Variants in CSGALNACT1 observed in about 807,000 individuals in gnomAD.
The protein encoded by CSGALNACT1 is beta4GalNAcT-1.
CSGALNACT1 carries 52 observed loss-of-function variants against 51.0 expected under a neutral mutation model. The ratio of observed to expected loss-of-function variants is 1.02; its 90% CI spans 0.82 to 1.29. The LOEUF (loss-of-function observed/expected upper bound fraction) is 1.29, where lower values mean the gene tolerates loss of function less well. Among genes scored for constraint, CSGALNACT1 ranks in the 50% most tolerant of loss-of-function variants. The pLI, the probability that CSGALNACT1 is intolerant of heterozygous loss-of-function variation, is 0.00. For synonymous variants in CSGALNACT1, 341 were observed against 254.4 expected (o/e 1.34, Z -3.24); for missense variants, 935 against 679.2 (o/e 1.38, Z -4.19).
intron 4 of CSGALNACT1, among the ~76,000 whole-genome samples, chr8:19,476,337 C>G (rs2069632403): frequency 6.6e-6 from 1 of 152,160 alleles, no homozygotes; most frequent in South Asian, 2.1e-4. Context: ...CTTCCGAGTT[C>G]AAGCGATTCT....
chr8:19,428,640 C>G (rs1274761058), intron 6 of CSGALNACT1, among the ~76,000 whole-genome samples: 1 of 152,040 alleles, frequency 6.6e-6, no homozygotes, highest in Non-Finnish European at 1.5e-5. Context: ...TAAGGACTGG[C>G]GAATAGTGGA....
chr8:19,674,352 GA>G (rs1055687798), intron 1 of CSGALNACT1, among the ~76,000 whole-genome samples: 1 of 152,118 alleles, frequency 6.6e-6, no homozygotes, highest in African/African-American at 2.4e-5. Flanking sequence ...AATAAGAGGG[GA>G]TCAAGAGGAA....
chr8:19,467,392 A>T (rs1300389306), intron 4 of CSGALNACT1, among the ~76,000 whole-genome samples: 1 of 152,008 alleles, frequency 6.6e-6, no homozygotes, highest in African/African-American at 2.4e-5. Context: ...AAGTGCTGGG[A>T]TTACAGGCGT....
chr8:19,445,554 T>A (rs576784518), intron 5 of CSGALNACT1, among the ~76,000 whole-genome samples: 1 of 152,212 alleles, frequency 6.6e-6, no homozygotes, highest in African/African-American at 2.4e-5. Context: ...TCGTGTACTC[T>A]TCTCTTTCAT....
chr8:19,617,333 G>A (rs2053171803), intron 1 of CSGALNACT1, among the ~76,000 whole-genome samples: 1 of 152,162 alleles, frequency 6.6e-6, no homozygotes, highest in Admixed American at 6.5e-5. Context: ...GGCCATGGAT[G>A]AGTACGAGTC....
chr8:19,432,584 G>C (rs751625832), intron 6 of CSGALNACT1, among the ~76,000 whole-genome samples: 7 of 152,018 alleles, frequency 4.6e-5, no homozygotes, highest in Non-Finnish European at 1.5e-5. Flanking sequence ...GGTATCCCAT[G>C]AATCTCAGGT....
chr8:19,662,666 G>A (rs1367943222), intron 1 of CSGALNACT1, among the ~76,000 whole-genome samples: 1 of 152,190 alleles, frequency 6.6e-6, no homozygotes, highest in Non-Finnish European at 1.5e-5. Context: ...TGCCTGCTAA[G>A]TGGATGCTAG....
intron 1 of CSGALNACT1, among the ~76,000 whole-genome samples, chr8:19,658,953 C>T (rs1344721864): frequency 2.0e-5 from 3 of 152,118 alleles, no homozygotes; most frequent in African/African-American, 7.2e-5. Context: ...TACCTGGTAG[C>T]TAGTTACACC....
At chr8:19,594,794 C>T (rs147454358) in intron 2 of CSGALNACT1, among the ~76,000 whole-genome samples, 6 of 152,100 alleles carry the variant, frequency 3.9e-5, no homozygotes, top group African/African-American at 1.4e-4. Flanking sequence ...TCAGGTGATC[C>T]ACCCACCTTG....
At position 19,582,353 on chromosome 8, in the gene CSGALNACT1, C is replaced by A. The variant is rs372164388; in HGVS notation, c.-297+8807G>T. On this transcript the variant is annotated intron_variant, in intron 3 of 9. Coordinates refer to ENST00000454498, the Ensembl canonical transcript of CSGALNACT1. ...GACTACTTAGATAATATAAAACTTA[C>A]AATGTACATTAGCAAAACTGTATGG... Among the ~76,000 whole-genome samples the A allele has an allele frequency of 1.8e-4, 28 of 152,316 alleles. No homozygotes were observed. The East Asian group carries it at 1.9e-3, about 10-fold the overall frequency.
intron 5 of CSGALNACT1, among the ~76,000 whole-genome samples, chr8:19,455,707 G>A (rs1031849958): frequency 2.0e-5 from 3 of 152,168 alleles, no homozygotes; most frequent in African/African-American, 7.2e-5. Context: ...CCTTGACTGT[G>A]ACATAAACTC....
intron 8 of CSGALNACT1, among the ~76,000 whole-genome samples, chr8:19,409,518 GAGAAAC>G (rs1318277951): frequency 6.6e-6 from 1 of 151,266 alleles, no homozygotes; most frequent in Non-Finnish European, 1.5e-5. Flanking sequence ...GAGAGAGAGA[GAGAAAC>G]ACACACACAA....
At chr8:19,507,054 A>T (rs2077471890) in intron 3 of CSGALNACT1, among the ~76,000 whole-genome samples, 1 of 152,164 alleles carries the variant, frequency 6.6e-6, no homozygotes, top group Non-Finnish European at 1.5e-5. Context: ...TCTGATCAGG[A>T]ACTGGGGAAG....
At chr8:19,655,525 A>G (rs190894854) in intron 1 of CSGALNACT1, among the ~76,000 whole-genome samples, 2 of 90,602 alleles carry the variant, frequency 2.2e-5, no homozygotes, top group African/African-American at 8.5e-5. Flanking sequence ...ATTCCCCACT[A>G]ATTTTTACAT....
At chr8:19,439,687 C>T (rs373250196) in intron 6 of CSGALNACT1, 143 bp downstream of exon 5, 4 of 718,782 alleles carry the variant, frequency 5.6e-6, no homozygotes, top group African/African-American at 5.2e-5. Flanking sequence ...GCAGACTTTT[C>T]CCTGAACACA....
chr8:19,648,354 G>A (rs1044589083), intron 1 of CSGALNACT1, among the ~76,000 whole-genome samples: 2 of 152,134 alleles, frequency 1.3e-5, no homozygotes, highest in African/African-American at 4.8e-5. Context: ...ATTCTCTGCT[G>A]GAAGGAGTGT....
At chr8:19,416,940 A>G (rs887360249) in intron 8 of CSGALNACT1, among the ~76,000 whole-genome samples, 12 of 151,814 alleles carry the variant, frequency 7.9e-5, no homozygotes, top group Admixed American at 5.2e-4. Context: ...TCAGCTCACT[A>G]CAGCCTCTGC....
At chr8:19,715,469 T>C (rs933356294) in intron 1 of CSGALNACT1, among the ~76,000 whole-genome samples, 11 of 152,366 alleles carry the variant, frequency 7.2e-5, no homozygotes, top group Middle Eastern at 3.4e-3. Flanking sequence ...TCATTCCTTT[T>C]TATGGCTGCA....
chr8:19,569,754 A>C lies in CSGALNACT1; in HGVS notation c.-297+21406T>G, dbSNP rs997626004. Among the ~76,000 whole-genome samples, 3 of 152,232 alleles carry C rather than the reference A, an allele frequency of 2.0e-5. No individual in the cohort carries two copies. In the South Asian group the frequency reaches 6.2e-4, roughly 31 times the overall value. On this transcript the variant is annotated intron_variant, in intron 3 of 9. Transcript: ENST00000454498. ...AGAACAGACATGTCCACCAGAAAGC[A>C]CGAACAAGGATATTTAGAAATTTTA...
Sources: allele counts gnomAD v4.1 joint callset (sites outside exome capture counted in the v4.1 genomes callset), GRCh38; gene constraint gnomAD v4.1.1; transcripts MANE v1.5; gene names NCBI Gene and HGNC (gene_info 2026-07-23, HGNC 2026-07-21).